The following ZFYVE28 variants were observed in gnomAD, a reference collection of about 807,000 sequenced individuals.
ZFYVE28 encodes lateral signaling target protein 2 homolog.
In ZFYVE28, 40 loss-of-function variants were observed where a neutral mutation model predicts 82.1. The observed-to-expected ratio is 0.49, with a 90% CI of 0.38 to 0.63. The LOEUF (loss-of-function observed/expected upper bound fraction) is 0.63. Ranked by LOEUF, ZFYVE28 falls within the 30% of genes least tolerant of loss-of-function variation. The pLI is 0.00. For synonymous variants in ZFYVE28, 612 were observed against 546.1 expected, an observed-to-expected ratio of 1.12 and a Z score of -1.68; for missense variants, 1,321 against 1,242.1, an observed-to-expected ratio of 1.06 and a Z score of -0.96.
intron 2 of ZFYVE28, among the ~76,000 whole-genome samples, chr4:2,348,114 G>A (rs1405304532): frequency 9.9e-5 from 15 of 152,048 alleles, no homozygotes; most frequent in Admixed American, 3.9e-4. Flanking sequence ...TTAATAACAG[G>A]AACGAGAGAG....
At chr4:2,381,438 G>C (rs532711445) in intron 1 of ZFYVE28, among the ~76,000 whole-genome samples, 1 of 152,108 alleles carries the variant, frequency 6.6e-6, no homozygotes, top group African/African-American at 2.4e-5. Context: ...ACAGAGTCTC[G>C]CTGTGACACC....
rs757141885 is a variant in ZFYVE28, at chr4:2,333,797, G to A, written c.701+1908C>T. ...GCCCTGGTGGAAACAAGGCCGGCTC[G>A]CAGGATCTTTGCTGTTCTGTTTTTT... On this transcript the variant is annotated intron_variant, in intron 6 of 12. Transcript: ENST00000290974. 3.9e-5 allele frequency among the ~76,000 whole-genome samples: 6 copies of A among 152,248 alleles called. 1 individual carries two copies. The South Asian group carries it at 6.2e-4, about 16-fold the overall frequency.
In ZFYVE28 at chr4:2,332,429, C is replaced by T. The variant is rs761232063; in HGVS notation, c.701+3276G>A. 5.3e-5 allele frequency among the ~76,000 whole-genome samples: 8 copies of T among 152,162 alleles called. No individual in the cohort carries two copies. Among genetic ancestry groups the T allele is most frequent in the Non-Finnish European group, 1.0e-4 (7 of 68,012 alleles). ...ACCTGCACAGCTCCCACCTCTGGGCCGGCTGCCCTGGGGAGCCTCTCCCTC... is the reference window on the plus strand; with the variant it reads ...ACCTGCACAGCTCCCACCTCTGGGCTGGCTGCCCTGGGGAGCCTCTCCCTC... On this transcript the variant is annotated intron_variant, in intron 6 of 12. Transcript: ENST00000290974. The surrounding 1 kb of genome is among the most constrained non-coding windows in gnomAD (Gnocchi z 4.7).
intron 1 of ZFYVE28, among the ~76,000 whole-genome samples, chr4:2,386,372 C>G (rs1459658246): frequency 6.6e-6 from 1 of 152,190 alleles, no homozygotes; most frequent in Non-Finnish European, 1.5e-5. Flanking sequence ...GTATTCCCAG[C>G]TACTCGGGAG....
At chr4:2,316,757 A>G (rs1159341236) in intron 7 of ZFYVE28, among the ~76,000 whole-genome samples, 1 of 151,352 alleles carries the variant, frequency 6.6e-6, no homozygotes, top group East Asian at 1.9e-4. Context: ...GAGTGGTGCA[A>G]TCTCGGCTCA....
At chr4:2,273,075 C>G in intron 10 of ZFYVE28, 98 bp downstream of exon 10, 1 of 1,020,942 alleles carries the variant, frequency 9.8e-7, no homozygotes, top group Non-Finnish European at 1.5e-6. Flanking sequence ...CCCTATCTCC[C>G]CAGGGCCAGA....
intron 1 of ZFYVE28, among the ~76,000 whole-genome samples, chr4:2,385,155 T>C (rs541263043): frequency 2.2e-4 from 33 of 152,230 alleles, no homozygotes; most frequent in African/African-American, 7.5e-4. Context: ...CTGCAGAGGC[T>C]CTCTGGGAAT....
chr4:2,278,556 C>T (rs1479493199), intron 8 of ZFYVE28, among the ~76,000 whole-genome samples: 4 of 151,984 alleles, frequency 2.6e-5, no homozygotes, highest in African/African-American at 7.3e-5. Flanking sequence ...GTTTCCTAGA[C>T]ATGACACCTA....
chr4:2,363,294 C>T (rs1467791841), intron 1 of ZFYVE28, among the ~76,000 whole-genome samples: 1 of 152,158 alleles, frequency 6.6e-6, no homozygotes, highest in African/African-American at 2.4e-5. Context: ...AGCTTTCTTG[C>T]TTGCTGGTAG....
chr4:2,337,051 T>TTAG (rs1721927299), intron 5 of ZFYVE28, among the ~76,000 whole-genome samples: 1 of 135,700 alleles, frequency 7.4e-6, no homozygotes. Context: ...AGGTGAGGAG[T>TTAG]GAGGGGGTGA....
intron 1 of ZFYVE28, among the ~76,000 whole-genome samples, chr4:2,399,110 GCAA>G (rs1342320372): frequency 0.39 from 11,866 of 30,450 alleles, 1,991 homozygotes; most frequent in African/African-American, 0.56. Flanking sequence ...ACAAGCTGGG[GCAA>G]GATGGAGGGC....
intron 2 of ZFYVE28, among the ~76,000 whole-genome samples, chr4:2,352,128 G>T (rs1390469531): frequency 6.6e-6 from 1 of 152,172 alleles, no homozygotes; most frequent in Non-Finnish European, 1.5e-5. Flanking sequence ...TTGAAACAAT[G>T]CATGTATAAA....
chr4:2,317,380 A>G (rs1718381945), intron 7 of ZFYVE28, among the ~76,000 whole-genome samples: 1 of 152,098 alleles, frequency 6.6e-6, no homozygotes, highest in South Asian at 2.1e-4. Flanking sequence ...AGAGGGGACT[A>G]CCCCTTTCTC....
chr4:2,286,707 G>A (rs1236784557), intron 8 of ZFYVE28: 2 of 152,266 alleles, frequency 1.3e-5, no homozygotes, highest in East Asian at 3.8e-4. Flanking sequence ...GTGGGATTAG[G>A]GAAGGAGCTC....
intron 8 of ZFYVE28, among the ~76,000 whole-genome samples, chr4:2,296,740 T>C (rs572785719): frequency 2.0e-5 from 3 of 152,172 alleles, no homozygotes; most frequent in Non-Finnish European, 2.9e-5. Flanking sequence ...CGGCACCTGC[T>C]GCTCAAGGTC....
intron 8 of ZFYVE28, 128 bp from the exon 9 acceptor site, chr4:2,274,344 GC>G: frequency 8.3e-7 from 1 of 1,201,266 alleles, no homozygotes; most frequent in Non-Finnish European, 1.1e-6. Flanking sequence ...TGTATCTGTT[GC>G]CCAGATACAC....
At position 2,341,569 on chromosome 4, in the gene ZFYVE28, G is replaced by C; in HGVS notation, c.227C>G (p.Pro76Arg). Residue 76 changes from proline (P) to arginine (R), a missense_variant, in exon 3 of 13, where the codon CCC becomes CGC. Transcript: ENST00000290974. This position sits in a 1 kb window ranked among gnomAD's most constrained non-coding sequence, Gnocchi z 4.5. ...GAAATCTCTGGGGGCGCGGTCCTGG[G>C]GGATGCACTCATCCATGATCTGGTT... is the stretch of plus-strand genomic sequence containing the variant. ...IINQIMDECI[P>R]QDRAPRDFCV... 3.1e-6 allele frequency: 5 copies of C among 1,614,080 alleles called. No homozygotes were observed. Among genetic ancestry groups the C allele is most frequent in the East Asian group, 2.2e-5 (1 of 44,880 alleles).
intron 1 of ZFYVE28, among the ~76,000 whole-genome samples, chr4:2,389,664 G>T (rs1257689109): frequency 6.6e-6 from 1 of 152,168 alleles, no homozygotes; most frequent in Non-Finnish European, 1.5e-5. Flanking sequence ...CCCCGATCCG[G>T]CTCCTCTGTC....
chr4:2,335,712 T>C lies in ZFYVE28; in HGVS notation c.694A>G (p.Ile232Val). 1 of 1,573,228 alleles carries C rather than the reference T, an allele frequency of 6.4e-7. No individual in the cohort carries two copies. The highest frequency in any genetic ancestry group is 8.6e-7 in the Non-Finnish European group (1 of 1,159,172). ...GGCACAGGAGGCACTCACCACACGA[T>C]GGCCAGCCTGGGGATGCTGAACATG... ...ALMFSIPRLA[I>V]VCGLVVYADG... The change falls in exon 6 of 13, where the codon ATC becomes GTC. Residue 232 changes from isoleucine (I) to valine (V), a missense_variant. Transcript: ENST00000290974. The surrounding 1 kb of genome is among the most constrained non-coding windows in gnomAD (Gnocchi z 5.8).
Sources: gnomAD v4.1 joint callset for allele counts (sites outside exome capture counted in the v4.1 genomes callset) on GRCh38, gnomAD v4.1.1 for gene constraint, Gnocchi (gnomAD v3.1) non-coding constraint, MANE v1.5 for transcripts, NCBI Gene and HGNC (gene_info 2026-07-23, HGNC 2026-07-21) for gene names.